The following ZBBX variants were observed in gnomAD, a reference collection of about 807,000 sequenced individuals.
ZBBX encodes the protein zinc finger B-box domain-containing protein 1.
ZBBX carries 101 observed loss-of-function variants against 108.5 expected under a neutral mutation model. The observed-to-expected ratio is 0.93, with a 90% CI of 0.79 to 1.10. The LOEUF (loss-of-function observed/expected upper bound fraction) is 1.10, where lower values mean the gene tolerates loss of function less well. Among genes scored for constraint, ZBBX ranks in the 50% least tolerant of loss-of-function variants. ZBBX has a pLI of 0.00. For missense variants in ZBBX, 1,009 were observed against 941.4 expected (o/e 1.07, Z -0.94); for synonymous variants, 356 against 323.4 (o/e 1.10, Z -1.08).
chr3:167,280,087 A>G (rs1728493852), intron 20 of ZBBX, among the ~76,000 whole-genome samples: 1 of 152,132 alleles, frequency 6.6e-6, no homozygotes, highest in African/African-American at 2.4e-5. Flanking sequence ...CACCTTATAC[A>G]AAAATCAATT....
At chr3:167,339,494 C>G (rs896064290) in intron 9 of ZBBX, among the ~76,000 whole-genome samples, 2 of 152,048 alleles carry the variant, frequency 1.3e-5, no homozygotes, top group African/African-American at 4.8e-5. Flanking sequence ...AGAACAAGTC[C>G]TCAAGAAGTA....
At chr3:167,322,347 T>C in intron 11 of ZBBX, 110 bp from the exon 12 acceptor site, 1 of 869,122 alleles carries the variant, frequency 1.2e-6, no homozygotes, top group Non-Finnish European at 1.6e-6. Context: ...TGCTTTAATA[T>C]TTACTTATAC....
At chr3:167,379,235 C>A (rs1747448377) in intron 2 of ZBBX, among the ~76,000 whole-genome samples, 2 of 152,126 alleles carry the variant, frequency 1.3e-5, no homozygotes, top group African/African-American at 2.4e-5. Context: ...TCTCTCCCTG[C>A]CAGGTGTCAG....
the ZBBX span, among the ~76,000 whole-genome samples, chr3:167,222,774 C>T: frequency 6.6e-6 from 1 of 151,674 alleles, no homozygotes; most frequent in Non-Finnish European, 1.5e-5. Context: ...GAATGATAGA[C>T]ACCAGAGGCT....
the ZBBX span, among the ~76,000 whole-genome samples, chr3:167,211,592 A>G: frequency 6.6e-6 from 1 of 152,248 alleles, no homozygotes; most frequent in South Asian, 2.1e-4. Flanking sequence ...AGGGGGAGGG[A>G]AAGGCTGCCA....
At chr3:167,325,257 G>GA (rs1737151226) in intron 11 of ZBBX, among the ~76,000 whole-genome samples, 1 of 152,074 alleles carries the variant, frequency 6.6e-6, no homozygotes, top group Non-Finnish European at 1.5e-5. Flanking sequence ...ATTTATAAAG[G>GA]AAAGAGGTTT....
chr3:167,304,179 T>G (rs1733198901), intron 17 of ZBBX, among the ~76,000 whole-genome samples: 2 of 152,308 alleles, frequency 1.3e-5, no homozygotes, highest in South Asian at 2.1e-4. Flanking sequence ...TGAGTCTCTC[T>G]CTCTAGAGCA....
At chr3:167,367,388 A>G (rs1363754910) in intron 5 of ZBBX, among the ~76,000 whole-genome samples, 1 of 151,926 alleles carries the variant, frequency 6.6e-6, no homozygotes, top group Admixed American at 6.6e-5. Context: ...ATTTATAATC[A>G]TAAGATACTA....
intron 1 of ZBBX, among the ~76,000 whole-genome samples, chr3:167,388,571 G>T (rs961761382): frequency 2.0e-5 from 3 of 151,950 alleles, no homozygotes; most frequent in Admixed American, 1.3e-4. Flanking sequence ...ATGCAGGATG[G>T]CTACTATGAC....
chr3:167,183,852 T>A, the ZBBX span, among the ~76,000 whole-genome samples: 1 of 152,146 alleles, frequency 6.6e-6, no homozygotes, highest in Non-Finnish European at 1.5e-5. Context: ...GATTATTTTT[T>A]ATGGCCAGAT....
chr3:167,263,697 T>C (rs1724980652), intron 20 of ZBBX, among the ~76,000 whole-genome samples: 1 of 152,222 alleles, frequency 6.6e-6, no homozygotes, highest in South Asian at 2.1e-4. Flanking sequence ...TCTGCAGCTG[T>C]TGGATGAAAT....
At chr3:167,193,996 G>C in the ZBBX span, among the ~76,000 whole-genome samples, 1 of 152,066 alleles carries the variant, frequency 6.6e-6, no homozygotes, top group South Asian at 2.1e-4. Flanking sequence ...GTTGAAGAGA[G>C]GTTGGGAATG....
At chr3:167,196,111 T>C in the ZBBX span, among the ~76,000 whole-genome samples, 1 of 152,078 alleles carries the variant, frequency 6.6e-6, no homozygotes, top group Non-Finnish European at 1.5e-5. Context: ...TAATGATGAG[T>C]TTTGCCTCCC....
chr3:167,231,458 C>G, the ZBBX span, among the ~76,000 whole-genome samples: 1 of 151,626 alleles, frequency 6.6e-6, no homozygotes, highest in Non-Finnish European at 1.5e-5. Context: ...AAGATGACCT[C>G]TGAGAAATAT....
At position 167,328,048 on chromosome 3, in the gene ZBBX, T is replaced by C. The variant is rs748496557; in HGVS notation, c.756A>G (p.Ser252=). Reference sequence around the variant, plus strand: ...ACTGTGCAGAAGCTTCTTCATCGAATGACCCTTCACACAACAGACTCTTTC... The same window carrying C: ...ACTGTGCAGAAGCTTCTTCATCGAACGACCCTTCACACAACAGACTCTTTC... ...KPRKSLLCEG[S]FDEEASAQSF... The change falls in exon 11 of 22, where the codon TCA becomes TCG. Residue 252 remains serine, a synonymous_variant. Coordinates refer to ENST00000675490, the MANE Select transcript of ZBBX (RefSeq NM_001199201.2). 1.7e-5 allele frequency: 27 copies of C among 1,613,832 alleles called. No homozygotes were observed. Among genetic ancestry groups the C allele is most frequent in the East Asian group, 4.5e-5 (2 of 44,870 alleles).
intron 9 of ZBBX, among the ~76,000 whole-genome samples, chr3:167,347,635 C>T (rs1267181159): frequency 6.6e-6 from 1 of 151,926 alleles, no homozygotes; most frequent in African/African-American, 2.4e-5. Context: ...GTACTTTATT[C>T]CTTAGTAATT....
At chr3:167,313,853 C>G (rs1349795133) in intron 16 of ZBBX, 121 bp downstream of exon 16, 1 of 862,448 alleles carries the variant, frequency 1.2e-6, no homozygotes, top group African/African-American at 1.7e-5. Flanking sequence ...AACTAATTTT[C>G]ATTTTAGTAC....
chr3:167,320,824 C>G (rs996272772), intron 12 of ZBBX, among the ~76,000 whole-genome samples: 1 of 151,912 alleles, frequency 6.6e-6, no homozygotes, highest in African/African-American at 2.4e-5. Context: ...GAAAAAACAT[C>G]AGACAAGCCC....
chr3:167,372,794 G>A (rs375209232), intron 4 of ZBBX, 40 bp downstream of exon 4: 22 of 1,040,492 alleles, frequency 2.1e-5, no homozygotes, highest in Non-Finnish European at 3.0e-5. Flanking sequence ...CAGAAGCTTT[G>A]CAACTATTCC....
Sources: gnomAD v4.1 joint callset for allele counts (sites outside exome capture counted in the v4.1 genomes callset) on GRCh38, gnomAD v4.1.1 for gene constraint, MANE v1.5 for transcripts, NCBI Gene and HGNC (gene_info 2026-07-23, HGNC 2026-07-21) for gene names.